The following CPE variants were observed in gnomAD, a reference collection of about 807,000 sequenced individuals.
CPE encodes carboxypeptidase E.
CPE carries 17 observed loss-of-function variants against 53.5 expected under a neutral mutation model. The observed-to-expected ratio is 0.32, with a 90% CI of 0.22 to 0.48. The LOEUF (loss-of-function observed/expected upper bound fraction) is 0.48, where lower values mean the gene tolerates loss of function less well. CPE is among the 20% of genes least tolerant of loss of function. The pLI, the probability that CPE is intolerant of heterozygous loss-of-function variation, is 0.99. For synonymous variants in CPE, 226 were observed against 228.8 expected (o/e 0.99, Z 0.11); for missense variants, 524 against 614.7 (o/e 0.85, Z 1.56).
intron 1 of CPE, among the ~76,000 whole-genome samples, chr4:165,445,011 C>CA (rs2126688039): frequency 6.6e-6 from 1 of 152,142 alleles, no homozygotes; most frequent in African/African-American, 2.4e-5. Flanking sequence ...AGCTGGAGTG[C>CA]AGTGGCACGA....
At chr4:165,476,840 G>A (rs572129016) in intron 3 of CPE, among the ~76,000 whole-genome samples, 3 of 152,246 alleles carry the variant, frequency 2.0e-5, no homozygotes, top group East Asian at 1.9e-4. Context: ...ATGGATACAC[G>A]TCACTGTCTC....
At chr4:165,396,985 C>T (rs1396463505) in intron 1 of CPE, among the ~76,000 whole-genome samples, 1 of 151,932 alleles carries the variant, frequency 6.6e-6, no homozygotes, top group Non-Finnish European at 1.5e-5. Flanking sequence ...GGCTTGAGCC[C>T]AGGAGGTTGA....
intron 1 of CPE, among the ~76,000 whole-genome samples, chr4:165,461,166 C>CAAAAAAAAAAAAAAAAAAA (rs1173022270): frequency 5.2e-4 from 23 of 44,184 alleles, no homozygotes; most frequent in East Asian, 2.1e-3. Context: ...GCCTCTGCCT[C>CAAAAAAAAAAAAAAAAAAA]AAAAAAAAAA....
intron 5 of CPE, 73 bp from the exon 6 acceptor site, chr4:165,487,365 T>C (rs2276931): frequency 0.06 from 94,830 of 1,583,624 alleles, 3,258 homozygotes; most frequent in East Asian, 0.14. Flanking sequence ...TGGTTCTTGA[T>C]TCAGAAGACT....
intron 1 of CPE, among the ~76,000 whole-genome samples, chr4:165,416,484 G>A (rs995586274): frequency 2.0e-5 from 3 of 152,100 alleles, no homozygotes; most frequent in African/African-American, 4.8e-5. Flanking sequence ...GGAGGCTTTA[G>A]GGTAACACAG....
At position 165,433,667 on chromosome 4, in the gene CPE, C is replaced by T. The variant is rs113530181; in HGVS notation, c.308-30723C>T. On this transcript the variant is annotated intron_variant, in intron 1 of 8. Coordinates refer to ENST00000402744, the MANE Select transcript of CPE (RefSeq NM_001873.4). ...CCAGTGCATAAAGAAACAGGCGTGG[C>T]GGCATGCAAGTAAAACCTTATTTAC... 7.2e-3 allele frequency among the ~76,000 whole-genome samples: 1,097 copies of T among 152,218 alleles called. 17 individuals carry two copies. The highest frequency in any genetic ancestry group is 0.026 in the African/African-American group (1,059 of 41,524).
rs565469351 is a variant in CPE, at chr4:165,397,189, A to C, written c.307+17661A>C. 2.0e-5 allele frequency among the ~76,000 whole-genome samples: 3 copies of C among 152,330 alleles called. No homozygotes were observed. The East Asian group carries it at 5.8e-4, about 29-fold the overall frequency. ...TAGAAAGGCCAAGGAAAAATGTTTA[A>C]ATGTTGTGGAGAGAATATGAATGTA... is the stretch of plus-strand genomic sequence containing the variant. On this transcript the variant is annotated intron_variant, in intron 1 of 8. Transcript: ENST00000402744.
intron 5 of CPE, among the ~76,000 whole-genome samples, 170 bp from the exon 6 acceptor site, chr4:165,487,268 C>A (rs1732520899): frequency 6.6e-6 from 1 of 152,170 alleles, no homozygotes; most frequent in Admixed American, 6.5e-5. Context: ...AACCCCCGAC[C>A]TATGTTGTTC....
intron 1 of CPE, among the ~76,000 whole-genome samples, chr4:165,409,729 G>C (rs1056004581): frequency 2.0e-5 from 3 of 152,160 alleles, no homozygotes; most frequent in African/African-American, 7.2e-5. Flanking sequence ...AAACTAGGAT[G>C]AGCCAGTCTT....
intron 1 of CPE, among the ~76,000 whole-genome samples, chr4:165,455,360 A>C (rs1731883013): frequency 1.3e-5 from 2 of 152,222 alleles, no homozygotes; most frequent in Non-Finnish European, 2.9e-5. Context: ...AAGACAGCAG[A>C]ATCTTCTAAG....
intron 1 of CPE, among the ~76,000 whole-genome samples, chr4:165,443,371 C>A (rs1731647371): frequency 6.6e-6 from 1 of 152,182 alleles, no homozygotes; most frequent in Non-Finnish European, 1.5e-5. Flanking sequence ...TAGATTATTT[C>A]ATCTTCCCAG....
At chr4:165,489,208 G>A (rs1373219468) in intron 6 of CPE, among the ~76,000 whole-genome samples, 1 of 152,192 alleles carries the variant, frequency 6.6e-6, no homozygotes, top group Non-Finnish European at 1.5e-5. Context: ...GAGGAAGTAA[G>A]ATGGGACTGA....
chr4:165,384,266 A>G (rs1486124450), intron 1 of CPE, among the ~76,000 whole-genome samples: 4 of 152,236 alleles, frequency 2.6e-5, no homozygotes, highest in Non-Finnish European at 5.9e-5. Context: ...AAGACCTAAC[A>G]GAGCTCTTAA....
chr4:165,493,542 GGCTGCCGATTCTTC>G, intron 7 of CPE, among the ~76,000 whole-genome samples: 1 of 152,280 alleles, frequency 6.6e-6, no homozygotes, highest in Non-Finnish European at 1.5e-5. Context: ...TGGTGCCACA[GGCTGCCGATTCTTC>G]GCGGTTCTTC....
At chr4:165,493,802 G>A (rs573904335) in intron 7 of CPE, among the ~76,000 whole-genome samples, 2 of 152,328 alleles carry the variant, frequency 1.3e-5, no homozygotes, top group South Asian at 2.1e-4. Flanking sequence ...GAGGTGCGAT[G>A]TTAGTGACTT....
Position 165,480,249 on chromosome 4 carries a change from A to G in CPE, c.673-1993A>G, listed in dbSNP as rs546139773. 4.6e-5 allele frequency among the ~76,000 whole-genome samples: 7 copies of G among 152,296 alleles called. No homozygotes were observed. In the East Asian group the frequency reaches 1.4e-3, roughly 29 times the overall value. On this transcript the variant is annotated intron_variant, in intron 3 of 8. Transcript: ENST00000402744. ...ATACTGTTGCTGGTTATATTTCTGT[A>G]CCTTACAGGAATGCAGTTTGGAATA...
chr4:165,466,872 T>C (rs1732114603), intron 2 of CPE, among the ~76,000 whole-genome samples: 1 of 152,216 alleles, frequency 6.6e-6, no homozygotes, highest in Non-Finnish European at 1.5e-5. Context: ...CCTTTTGGAC[T>C]CTTTGTAATA....
intron 1 of CPE, among the ~76,000 whole-genome samples, chr4:165,442,958 T>C (rs564767212): frequency 6.6e-6 from 1 of 152,300 alleles, no homozygotes; most frequent in Admixed American, 6.5e-5. Context: ...TTAGATTTCA[T>C]GAAAGTAAGG....
chr4:165,473,551 C>T (rs1178226108), intron 3 of CPE, among the ~76,000 whole-genome samples: 1 of 152,130 alleles, frequency 6.6e-6, no homozygotes, highest in Non-Finnish European at 1.5e-5. Flanking sequence ...ATTTCTGTAT[C>T]CTTGAGGTAG....
Sources: gnomAD v4.1 joint callset for allele counts (sites outside exome capture counted in the v4.1 genomes callset) on GRCh38, gnomAD v4.1.1 for gene constraint, MANE v1.5 for transcripts, NCBI Gene and HGNC (gene_info 2026-07-23, HGNC 2026-07-21) for gene names.